The following KCNH4 variants were observed in gnomAD, a reference collection of about 807,000 sequenced individuals.
The protein encoded by KCNH4 is potassium voltage-gated channel subfamily H member 4.
A neutral mutation model predicts 90.7 loss-of-function variants in KCNH4; 33 were observed. The observed-to-expected ratio is 0.36, with a 90% confidence interval of 0.28 to 0.49. The LOEUF (loss-of-function observed/expected upper bound fraction) is 0.49. Ranked by LOEUF, KCNH4 falls within the 20% of genes least tolerant of loss-of-function variation. The probability of loss-of-function intolerance (pLI) is 0.98; values close to 1 mark genes in which losing one functional copy is unlikely to be tolerated. For missense variants in KCNH4, 1,044 were observed against 1,387.1 expected (o/e 0.75, Z 3.93); for synonymous variants, 551 against 581.7 (o/e 0.95, Z 0.76).
In KCNH4 at chr17:42,181,051, G is replaced by A. The variant is rs2079898040; in HGVS notation, c.-106C>T. 2 of 937,970 alleles carry A rather than the reference G, an allele frequency of 2.1e-6. No individual in the cohort carries two copies. Among genetic ancestry groups the A allele is most frequent in the Admixed American group, 2.6e-5 (1 of 38,462 alleles). The allele number at this position is 937,970 out of a possible 1,614,324, so 58.1% of individuals were successfully genotyped here. ...GCCGGGGCGCCCCATGCGCCCTCCT[G>A]CCTCCTCCCCTCCCTCTTACTGCCG... On this transcript the variant is annotated 5_prime_UTR_variant, in exon 1 of 17. Transcript: ENST00000264661.
At chr17:42,176,959 A>G (rs1289736220) in intron 4 of KCNH4, among the ~76,000 whole-genome samples, 1 of 151,756 alleles carries the variant, frequency 6.6e-6, no homozygotes, top group East Asian at 1.9e-4. Context: ...TGGCACCATC[A>G]TAACTCACTG....
chr17:42,177,983 G>A, intron 4 of KCNH4, 117 bp downstream of exon 4: 2 of 1,348,242 alleles, frequency 1.5e-6, no homozygotes, highest in Non-Finnish European at 2.0e-6. Flanking sequence ...TGGGTGGGCA[G>A]AGGAGCAAGC....
chr17:42,160,979 T>C (rs1047850791), intron 15 of KCNH4, among the ~76,000 whole-genome samples: 3 of 130,352 alleles, frequency 2.3e-5, no homozygotes, highest in African/African-American at 8.9e-5. Context: ...CAGGCTGGAG[T>C]GCAATGGCGC....
At position 42,165,667 on chromosome 17, in the gene KCNH4, T is replaced by G; in HGVS notation, c.1867A>C (p.Ile623Leu). 6.2e-7 allele frequency: 1 copy of G among 1,614,132 alleles called. No individual in the cohort carries two copies. Among genetic ancestry groups the G allele is most frequent in the Non-Finnish European group, 8.5e-7 (1 of 1,180,016 alleles). Residue 623 changes from isoleucine to leucine, a missense_variant, in exon 11 of 17, where the codon ATC becomes CTC. By Grantham distance (5) the Ile-to-Leu change is conservative. This residue lies in a region of KCNH4 where 441 missense variants were observed against 512.3 expected (regional missense o/e 0.86). Coordinates refer to ENST00000264661, the MANE Select transcript of KCNH4 (RefSeq NM_012285.3). ...LGKGDLIGADIPEPGQEPGLG... is the reference protein window; with the variant it reads ...LGKGDLIGADLPEPGQEPGLG... ...CCAGGCTCCTGCCCCGGCTCAGGGATATCTGCTCCAATCAGGTCCCCCTTC... is the reference window on the plus strand; with the variant it reads ...CCAGGCTCCTGCCCCGGCTCAGGGAGATCTGCTCCAATCAGGTCCCCCTTC...
intron 10 of KCNH4, 40 bp downstream of exon 10, chr17:42,166,257 T>C (rs1223230069): frequency 3.2e-6 from 5 of 1,543,638 alleles, no homozygotes; most frequent in Middle Eastern, 1.8e-4. Flanking sequence ...TTGCGGGGGG[T>C]GGTTCCAGGG....
chr17:42,170,385 C>G, intron 7 of KCNH4, 84 bp from the exon 8 acceptor site: 1 of 1,195,796 alleles, frequency 8.4e-7, no homozygotes, highest in South Asian at 1.6e-5. Context: ...GCTTGACCTT[C>G]GGCAAGTATT....
rs763637109 is a variant in KCNH4 at position 42,178,347 on chromosome 17, G to T, written c.441C>A (p.Arg147=). 1 of 1,614,210 alleles carries T rather than the reference G, an allele frequency of 6.2e-7. No homozygotes were observed. The highest frequency in any genetic ancestry group is 1.1e-5 in the South Asian group (1 of 91,086). ...GSPGLGPQGG[R]GDSNHENSLG... ...TGCTGTTACCGTGATTACTGTCCCC[G>T]CGGCCTCCTTGGGGGCCAAGTCCTG... is the stretch of plus-strand genomic sequence containing the variant. Residue 147 remains arginine (R), a synonymous_variant, in exon 3 of 17, where the codon CGC becomes CGA. Transcript: ENST00000264661.
At chr17:42,165,844 A>T (rs1438180038) in intron 10 of KCNH4, 151 bp from the exon 11 acceptor site, 5 of 937,458 alleles carry the variant, frequency 5.3e-6, no homozygotes, top group Non-Finnish European at 8.1e-6. Flanking sequence ...TAACCAATGG[A>T]ATTGGGAAAA....
intron 16 of KCNH4, among the ~76,000 whole-genome samples, chr17:42,158,583 C>T (rs1455798145): frequency 6.8e-6 from 1 of 146,558 alleles, no homozygotes; most frequent in Non-Finnish European, 1.5e-5. Flanking sequence ...CACTTGTAAT[C>T]CCAGCACTTT....
In KCNH4 at chr17:42,157,802, G is replaced by C. The variant is rs1206813089; in HGVS notation, c.*310-684C>G. Among the ~76,000 whole-genome samples the C allele has an allele frequency of 2.0e-5, 3 of 151,638 alleles. No individual in the cohort carries two copies. In the South Asian group the frequency reaches 6.2e-4, roughly 32 times the overall value. ...TTTTAATTTGTATAGAGATGGGTGG[G>C]GGGGGTGTCTTGCTATGTTGCCCAG... is the stretch of plus-strand genomic sequence containing the variant. On this transcript the variant is annotated intron_variant, in intron 16 of 16. Transcript: ENST00000264661.
chr17:42,165,778 G>C, intron 10 of KCNH4, 85 bp from the exon 11 acceptor site: 1 of 1,521,594 alleles, frequency 6.6e-7, no homozygotes, highest in Non-Finnish European at 9.0e-7. Flanking sequence ...TTTGAGGGGT[G>C]GTCAGTGTGT....
intron 6 of KCNH4, among the ~76,000 whole-genome samples, chr17:42,174,265 A>T (rs2079847347): frequency 1.3e-5 from 2 of 152,122 alleles, no homozygotes; most frequent in Non-Finnish European, 2.9e-5. Context: ...CCTACCTCTG[A>T]AAAAGGATAA....
In KCNH4 at chr17:42,160,257, G is replaced by A. The variant is rs2079736422; in HGVS notation, c.2837C>T (p.Pro946Leu). ...CLSPCASRPP[P>L]SLQDTTLAEV... Reference sequence around the variant, plus strand: ...AGCAAGCGTAGTATCCTGGAGGCTGGGTGGTGGTCTGGACGCACAAGGAGA... The same window carrying A: ...AGCAAGCGTAGTATCCTGGAGGCTGAGTGGTGGTCTGGACGCACAAGGAGA... Residue 946 changes from proline to leucine, a missense_variant, in exon 16 of 17, where the codon CCC becomes CTC. Transcript: ENST00000264661. 14 of 1,614,016 alleles carry A rather than the reference G, an allele frequency of 8.7e-6. No individual in the cohort carries two copies. The East Asian group carries it at 3.1e-4, about 36-fold the overall frequency.
chr17:42,159,345 T>C (rs909412772), intron 16 of KCNH4, among the ~76,000 whole-genome samples: 12 of 152,266 alleles, frequency 7.9e-5, no homozygotes, highest in African/African-American at 2.9e-4. Context: ...TTTTTAATAT[T>C]GGAACTAACT....
At chr17:42,179,286 C>T (rs1460429542) in intron 1 of KCNH4, among the ~76,000 whole-genome samples, 1 of 152,224 alleles carries the variant, frequency 6.6e-6, no homozygotes, top group Non-Finnish European at 1.5e-5. Flanking sequence ...TGCCATCCAT[C>T]CCCCTGCCTT....
rs751336862 is a variant in KCNH4, at chr17:42,178,990, C to T, written c.113G>A (p.Arg38Gln). ...NFLLANAQGT[R>Q]GFPIVYCSDG... ...GGAGCAGTAGACGATGGGAAAGCCC[C>T]GTGTGCCCTGTGCGTTGGCCAGCAG... is the stretch of plus-strand genomic sequence containing the variant. Residue 38 changes from arginine (R) to glutamine (Q), a missense_variant, in exon 2 of 17, where the codon CGG (arginine) becomes CAG (glutamine). Physicochemically the swap from Arg to Gln is conservative, Grantham distance 43. Around this residue, in one of 4 missense-constraint regions of KCNH4, gnomAD observed 283 missense variants for 378.6 expected, o/e 0.75. Coordinates refer to ENST00000264661, the MANE Select transcript of KCNH4 (RefSeq NM_012285.3). The T allele has an allele frequency of 7.4e-6, 12 of 1,613,954 alleles. No homozygotes were observed. The highest frequency in any genetic ancestry group is 4.4e-5 in the South Asian group (4 of 91,090).
chr17:42,161,162 T>C (rs949716076), intron 15 of KCNH4, among the ~76,000 whole-genome samples: 2 of 151,970 alleles, frequency 1.3e-5, no homozygotes, highest in African/African-American at 4.8e-5. Context: ...TCTCCTGACT[T>C]CGTGATCCAC....
intron 4 of KCNH4, 34 bp from the exon 5 acceptor site, chr17:42,176,331 G>A: frequency 6.3e-7 from 1 of 1,577,610 alleles, no homozygotes; most frequent in Non-Finnish European, 8.6e-7. Context: ...GGGGACACTT[G>A]AGGGAAAGAG....
intron 9 of KCNH4, among the ~76,000 whole-genome samples, chr17:42,168,601 A>G (rs1421424798): frequency 6.6e-6 from 1 of 152,016 alleles, no homozygotes; most frequent in Non-Finnish European, 1.5e-5. Context: ...CTGAGAGCAC[A>G]CCACTGCACT....
Sources: allele counts gnomAD v4.1 joint callset (sites outside exome capture counted in the v4.1 genomes callset), GRCh38; gene constraint gnomAD v4.1.1; regional missense constraint gnomAD v4.1.1; transcripts MANE v1.5; gene names NCBI Gene and HGNC (gene_info 2026-07-23, HGNC 2026-07-21).